Variants in FNDC1 observed in about 807,000 individuals in gnomAD.
FNDC1 encodes the protein fibronectin type III domain containing 1.
FNDC1 carries 96 observed loss-of-function variants against 168.0 expected under a neutral mutation model. The ratio of observed to expected loss-of-function variants is 0.57; its 90% confidence interval spans 0.48 to 0.68. FNDC1 has a LOEUF of 0.68. Ranked by LOEUF, FNDC1 falls within the 30% of genes least tolerant of loss-of-function variation. The probability of loss-of-function intolerance (pLI) is 0.00; values close to 1 mark genes in which losing one functional copy is unlikely to be tolerated. For missense variants in FNDC1, 2,587 were observed against 2,482.1 expected, an observed-to-expected ratio of 1.04 and a Z score of -0.90; for synonymous variants, 1,099 against 1,025.9, an observed-to-expected ratio of 1.07 and a Z score of -1.36.
At chr6:159,262,038 G>T (rs991074186) in intron 19 of FNDC1, among the ~76,000 whole-genome samples, 6 of 152,296 alleles carry the variant, frequency 3.9e-5, no homozygotes, top group South Asian at 4.1e-4. Flanking sequence ...AGCCCAGAAG[G>T]TTGAGCTGTA....
intron 4 of FNDC1, among the ~76,000 whole-genome samples, chr6:159,205,007 G>T (rs1471787674): frequency 1.3e-5 from 2 of 152,038 alleles, no homozygotes; most frequent in Non-Finnish European, 2.9e-5. Flanking sequence ...ACTGCTCCCT[G>T]CCCTCCTGCT....
chr6:159,261,597 G>C (rs2115027116), intron 19 of FNDC1, among the ~76,000 whole-genome samples: 1 of 152,302 alleles, frequency 6.6e-6, no homozygotes. Context: ...ATTATTGCAA[G>C]CACCTGAAGA....
rs530740044 is a variant in FNDC1 at position 159,249,980 on chromosome 6, C to T, written c.4834+798C>T. On this transcript the variant is annotated intron_variant, in intron 16 of 22. Coordinates refer to ENST00000297267, the MANE Select transcript of FNDC1 (RefSeq NM_032532.3). ...GAACAAGAATATTAATTTGAGGTGGCGTTCCTGAGGCAGACACTAACACGG... is the reference window on the plus strand; with the variant it reads ...GAACAAGAATATTAATTTGAGGTGGTGTTCCTGAGGCAGACACTAACACGG... Among the ~76,000 whole-genome samples the T allele has an allele frequency of 3.3e-4, 51 of 152,300 alleles. 1 individual carries two copies. The highest frequency in any genetic ancestry group is 1.1e-3 in the African/African-American group (45 of 41,560).
chr6:159,253,816 A>C lies in FNDC1; in HGVS notation c.5065+2284A>C, dbSNP rs1158423402. The stretch of plus-strand genomic sequence containing the variant: ...GAGAAACCAGTGCCTTACATGGGAA[A>C]CGCAGGGTTCTGATGGAAGCCAGAG... On this transcript the variant is annotated intron_variant, in intron 17 of 22. Coordinates refer to ENST00000297267, the MANE Select transcript of FNDC1 (RefSeq NM_032532.3). 2.0e-5 allele frequency among the ~76,000 whole-genome samples: 3 copies of C among 152,324 alleles called. No individual in the cohort carries two copies. The East Asian group carries it at 5.8e-4, about 29-fold the overall frequency.
rs1272706118 is a variant in FNDC1 at position 159,234,119 on chromosome 6, T to C, written c.3607T>C (p.Trp1203Arg). Residue 1203 changes from tryptophan to arginine, a missense_variant, in exon 11 of 23, where the codon TGG (tryptophan) becomes CGG (arginine). Trp to Arg is a moderately radical substitution (Grantham distance 101). Transcript: ENST00000297267. ...EDLLSSSVPK[W>R]PSSSTPRGGK... is the part of the protein sequence containing the mutation. ...CCTTCTGTCTTCCTCTGTGCCAAAG[T>C]GGCCCTCTTCCTCCACTCCCAGGGG... 3 of 1,605,648 alleles carry C rather than the reference T, an allele frequency of 1.9e-6. No homozygotes were observed. The highest frequency in any genetic ancestry group is 1.7e-5 in the Admixed American group (1 of 59,132).
chr6:159,178,019 AT>A (rs1781801174), intron 1 of FNDC1, among the ~76,000 whole-genome samples: 1 of 152,206 alleles, frequency 6.6e-6, no homozygotes, highest in African/African-American at 2.4e-5. Flanking sequence ...CAGAATCAAA[AT>A]GGAGTCACTT....
At chr6:159,253,827 T>G (rs900279678) in intron 17 of FNDC1, among the ~76,000 whole-genome samples, 1 of 152,210 alleles carries the variant, frequency 6.6e-6, no homozygotes, top group Non-Finnish European at 1.5e-5. Context: ...CGCAGGGTTC[T>G]GATGGAAGCC....
In FNDC1 at chr6:159,239,765, ACCACCACCCGCCGCACG is replaced by A. The variant is rs1471663969; in HGVS notation, c.4430_4446del (p.Thr1477AsnfsTer41). The A allele has an allele frequency of 3.0e-4, 10 of 33,774 alleles. No homozygotes were observed. The highest frequency in any genetic ancestry group is 5.9e-4 in the South Asian group (1 of 1,702). The allele number at this position is 33,774 out of a possible 1,614,324, so 2.1% of individuals were successfully genotyped here. A position where few individuals can be genotyped will look rare whatever the true frequency, so the allele number is the denominator to read the frequency against. On this transcript the variant is annotated frameshift_variant, in exon 14 of 23. Transcript: ENST00000297267. LOFTEE classifies it high-confidence loss of function. Reference sequence around the variant, plus strand: ...CACCACTGCCACCACCCGCCGCACGACCACCACCCGCCGCACGACCACCAGGCGTCCAACAACCACAG... The same window carrying A: ...CACCACTGCCACCACCCGCCGCACGAACCACCAGGCGTCCAACAACCACAG...
At chr6:159,222,054 T>C (rs1162785206) in intron 6 of FNDC1, among the ~76,000 whole-genome samples, 1 of 151,738 alleles carries the variant, frequency 6.6e-6, no homozygotes, top group African/African-American at 2.4e-5. Context: ...AGGCGGGAGG[T>C]GGTGCATGCA....
In FNDC1 at chr6:159,239,901, A is replaced by T; in HGVS notation, c.4565A>T (p.Asp1522Val). Residue 1522 changes from aspartate (D) to valine (V), a missense_variant, in exon 14 of 23, where the codon GAT becomes GTT. Coordinates refer to ENST00000297267, the MANE Select transcript of FNDC1 (RefSeq NM_032532.3). ...CPPGTLERHD[D>V]DGNLIMSSNG... ...CCTGGGACCTTGGAACGGCACGACG[A>T]TGATGGCAACCTGATAATGAGCTCC... The T allele has an allele frequency of 6.5e-7, 1 of 1,528,508 alleles. No individual in the cohort carries two copies. The highest frequency in any genetic ancestry group is 8.8e-7 in the Non-Finnish European group (1 of 1,134,034). 94.7% of individuals were successfully genotyped at this position (1,528,508 alleles called of 1,614,324 possible). A position where few individuals can be genotyped will look rare whatever the true frequency, so the allele number is the denominator to read the frequency against.
intron 5 of FNDC1, among the ~76,000 whole-genome samples, chr6:159,219,227 G>T (rs573664822): frequency 3.9e-5 from 6 of 152,250 alleles, no homozygotes; most frequent in African/African-American, 1.4e-4. Context: ...TTTTAGTAGA[G>T]GCAAGGTTTC....
intron 1 of FNDC1, among the ~76,000 whole-genome samples, chr6:159,196,100 T>C (rs1782235881): frequency 6.6e-6 from 1 of 152,138 alleles, no homozygotes; most frequent in Admixed American, 6.5e-5. Flanking sequence ...GCCTAGAAAA[T>C]GATTGGTGTC....
chr6:159,226,551 C>T lies in FNDC1; in HGVS notation c.1151C>T (p.Ala384Val), dbSNP rs201538256. 83 of 1,607,946 alleles carry T rather than the reference C, an allele frequency of 5.2e-5. No individual in the cohort carries two copies. The highest frequency in any genetic ancestry group is 5.0e-4 in the Middle Eastern group (3 of 6,054). Residue 384 changes from alanine to valine, a missense_variant, in exon 9 of 23, where the codon GCG (alanine) becomes GTG (valine). By Grantham distance (64) the Ala-to-Val change is moderately conservative. Transcript: ENST00000297267. ...ACAGTTGTCGCTGCATCTTGGGATGCGCTACCAGAGACTGAGGGGAAAGTG... is the reference window on the plus strand; with the variant it reads ...ACAGTTGTCGCTGCATCTTGGGATGTGCTACCAGAGACTGAGGGGAAAGTG... ...KPTVVAASWD[A>V]LPETEGKVKE...
intron 1 of FNDC1, among the ~76,000 whole-genome samples, chr6:159,184,004 G>A (rs373635554): frequency 6.6e-6 from 1 of 152,238 alleles, no homozygotes; most frequent in Non-Finnish European, 1.5e-5. Flanking sequence ...ACAAAGTATA[G>A]TAGAAAGAGC....
intron 17 of FNDC1, among the ~76,000 whole-genome samples, chr6:159,252,073 G>A (rs1777280329): frequency 6.6e-6 from 1 of 152,186 alleles, no homozygotes. Context: ...TGTGGGAATA[G>A]GAGGTGATGA....
Position 159,233,626 on chromosome 6 carries a change from C to G in FNDC1, c.3114C>G (p.Ala1038=). 1 of 1,560,634 alleles carries G rather than the reference C, an allele frequency of 6.4e-7. No homozygotes were observed. The change falls in exon 11 of 23, where the codon GCC becomes GCG. Residue 1038 remains alanine (A), a synonymous_variant. Transcript: ENST00000297267. This position sits in a 1 kb window ranked among gnomAD's most constrained non-coding sequence, Gnocchi z 4.6. The stretch of plus-strand genomic sequence containing the variant: ...AGCCCAGGCTCTCACTGACCCAGGC[C>G]GGGCGGCCCCGCCCCACGTCGCAGG... ...PSQPRLSLTQ[A]GRPRPTSQGR... is the part of the protein sequence containing the mutation.
At chr6:159,200,213 GTA>G in intron 3 of FNDC1, 131 bp downstream of exon 3, 1 of 720,814 alleles carries the variant, frequency 1.4e-6, no homozygotes, top group Admixed American at 2.6e-5. Flanking sequence ...TTTTAGACTT[GTA>G]TAGCAAGCTG....
At chr6:159,174,837 A>C (rs1347027736) in intron 1 of FNDC1, among the ~76,000 whole-genome samples, 1 of 152,162 alleles carries the variant, frequency 6.6e-6, no homozygotes, top group Non-Finnish European at 1.5e-5. Flanking sequence ...AGAGCAAGGG[A>C]TGTCTCAGGG....
intron 5 of FNDC1, among the ~76,000 whole-genome samples, chr6:159,218,062 C>T (rs918750273): frequency 2.6e-5 from 4 of 152,196 alleles, no homozygotes; most frequent in Non-Finnish European, 5.9e-5. Context: ...TTTGCATCTC[C>T]GCTGTTGCAG....
Sources: allele counts gnomAD v4.1 joint callset (sites outside exome capture counted in the v4.1 genomes callset), GRCh38; gene constraint gnomAD v4.1.1; non-coding constraint Gnocchi (gnomAD v3.1); transcripts MANE v1.5; gene names NCBI Gene and HGNC (gene_info 2026-07-23, HGNC 2026-07-21).